TOMM7: variants seen among roughly 807,000 people sequenced by gnomAD.
TOMM7 encodes mitochondrial import receptor subunit TOM7 homolog.
In TOMM7, 8 loss-of-function variants were observed where a neutral mutation model predicts 9.5. The ratio of observed to expected loss-of-function variants is 0.84; its 90% CI spans 0.49 to 1.51. The LOEUF (loss-of-function observed/expected upper bound fraction) is 1.51, where lower values mean the gene tolerates loss of function less well. TOMM7 is among the 40% of genes most tolerant of loss of function. The probability of loss-of-function intolerance (pLI) is 0.00; values close to 1 mark genes in which losing one functional copy is unlikely to be tolerated. For missense variants in TOMM7, 74 were observed against 63.7 expected, an observed-to-expected ratio of 1.16 and a Z score of -0.55; for synonymous variants, 27 against 21.4, an observed-to-expected ratio of 1.26 and a Z score of -0.72.
intron 1 of TOMM7, chr7:22,818,281 CT>C: frequency 2.5e-6 from 1 of 405,492 alleles, no homozygotes; most frequent in Non-Finnish European, 4.6e-6. Flanking sequence ...TTATTCCTTT[CT>C]TTTTGAGACA....
Position 22,813,097 on chromosome 7 carries a change from T to C in TOMM7, c.*73A>G. 1 of 1,530,492 alleles carries C rather than the reference T, an allele frequency of 6.5e-7. No individual in the cohort carries two copies. Among genetic ancestry groups the C allele is most frequent in the Non-Finnish European group, 9.1e-7 (1 of 1,104,424 alleles). 94.8% of individuals were successfully genotyped at this position (1,530,492 alleles called of 1,614,324 possible). A position where few individuals can be genotyped will look rare whatever the true frequency, so the allele number is the denominator to read the frequency against. Reference sequence around the variant, plus strand: ...TAGTGACTGAATGATGTCCCATCTCTTATCCGAGCCAGAGCACACATCTTC... The same window carrying C: ...TAGTGACTGAATGATGTCCCATCTCCTATCCGAGCCAGAGCACACATCTTC... On this transcript the variant is annotated 3_prime_UTR_variant, in exon 3 of 3. Transcript: ENST00000358435.
chr7:22,818,066 G>GA lies in TOMM7; in HGVS notation c.104-19dup, dbSNP rs1562672997. ...CTTAAATCCTGAATCAAGGAAGACA[G>GA]AAGAGAAAAAATATTAATTAAAACC... On this transcript the variant is annotated intron_variant, in intron 1 of 2. Coordinates refer to ENST00000358435, the MANE Select transcript of TOMM7 (RefSeq NM_019059.5). The GA allele has an allele frequency of 6.2e-7, 1 of 1,611,654 alleles. No individual in the cohort carries two copies.
Position 22,822,626 on chromosome 7 carries a change from C to G in TOMM7, c.103+51G>C, listed in dbSNP as rs1013248214. On this transcript the variant is annotated intron_variant, in intron 1 of 2. Coordinates refer to ENST00000358435, the MANE Select transcript of TOMM7 (RefSeq NM_019059.5). ...CGACGGCCAAAAATGGGGCTGCTGT[C>G]TCCGCCACCCTCTTCCCTCCAGTCA... is the stretch of plus-strand genomic sequence containing the variant. 6 of 1,533,414 alleles carry G rather than the reference C, an allele frequency of 3.9e-6. No individual in the cohort carries two copies. The African/African-American group carries it at 8.2e-5, about 21-fold the overall frequency. The allele number at this position is 1,533,414 out of a possible 1,614,324, so 95.0% of individuals were successfully genotyped here. A position where few individuals can be genotyped will look rare whatever the true frequency, so the allele number is the denominator to read the frequency against.
Position 22,822,669 on chromosome 7 carries a change from C to T in TOMM7, c.103+8G>A. 1 of 1,611,212 alleles carries T rather than the reference C, an allele frequency of 6.2e-7. No individual in the cohort carries two copies. Among genetic ancestry groups the T allele is most frequent in the Non-Finnish European group, 8.5e-7 (1 of 1,177,348 alleles). On this transcript the variant is annotated splice_region_variant and intron_variant, in intron 1 of 2. Coordinates refer to ENST00000358435, the MANE Select transcript of TOMM7 (RefSeq NM_019059.5). ...TCCAGTCACTTTCCCGGTTCTTCTC[C>T]CACTGACCCAGGTAAATCACAAGAG...
At position 22,822,835 on chromosome 7, in the gene TOMM7, T is replaced by C. The variant is rs1782415206; in HGVS notation, c.-56A>G. On this transcript the variant is annotated 5_prime_UTR_variant, in exon 1 of 3. Coordinates refer to ENST00000358435, the MANE Select transcript of TOMM7 (RefSeq NM_019059.5). ...CTTACAGCAACCACAGCGTCGGGAA[T>C]CCGAAAGGGAAAGGAGGTGCGCAGG... 1 of 1,465,022 alleles carries C rather than the reference T, an allele frequency of 6.8e-7. No homozygotes were observed. The highest frequency in any genetic ancestry group is 1.4e-5 in the African/African-American group (1 of 71,966). 90.8% of individuals were successfully genotyped at this position (1,465,022 alleles called of 1,614,324 possible). A position where few individuals can be genotyped will look rare whatever the true frequency, so the allele number is the denominator to read the frequency against.
At chr7:22,815,132 G>A (rs767526127) in intron 2 of TOMM7, among the ~76,000 whole-genome samples, 1 of 152,160 alleles carries the variant, frequency 6.6e-6, no homozygotes, top group Non-Finnish European at 1.5e-5. Flanking sequence ...AAAAGATCAA[G>A]AGGGTTAGTA....
At chr7:22,821,778 G>GA (rs1465857597) in intron 1 of TOMM7, among the ~76,000 whole-genome samples, 2 of 151,902 alleles carry the variant, frequency 1.3e-5, no homozygotes, top group Admixed American at 1.3e-4. Context: ...AGACAGAAAA[G>GA]AAAAGAAAAA....
intron 2 of TOMM7, among the ~76,000 whole-genome samples, chr7:22,817,143 G>T (rs762488307): frequency 1.3e-5 from 2 of 152,122 alleles, no homozygotes; most frequent in Non-Finnish European, 2.9e-5. Flanking sequence ...AGTATCAGTC[G>T]TTCCTCCAGA....
At chr7:22,816,999 C>T (rs1251734230) in intron 2 of TOMM7, among the ~76,000 whole-genome samples, 1 of 151,992 alleles carries the variant, frequency 6.6e-6, no homozygotes, top group South Asian at 2.1e-4. Context: ...AGTAAAAGTT[C>T]GAAGAAAATG....
intron 1 of TOMM7, 75 bp downstream of exon 1, chr7:22,822,602 G>T (rs1427899035): frequency 3.7e-6 from 5 of 1,352,760 alleles, no homozygotes; most frequent in East Asian, 4.6e-5. Flanking sequence ...TCCCTCCCCC[G>T]ACGGCCAAAA....
At chr7:22,817,957 G>A in intron 2 of TOMM7, 43 bp downstream of exon 2, 8 of 1,574,856 alleles carry the variant, frequency 5.1e-6, no homozygotes, top group South Asian at 1.1e-5. Context: ...CAGTACTACT[G>A]TATGAACATT....
chr7:22,822,235 T>C (rs763083376), intron 1 of TOMM7: 3 of 1,550,890 alleles, frequency 1.9e-6, no homozygotes, highest in Non-Finnish European at 1.7e-6. Context: ...ACGACTATTA[T>C]TATAATCATG....
At chr7:22,813,910 T>C (rs1782282670) in intron 2 of TOMM7, among the ~76,000 whole-genome samples, 2 of 148,864 alleles carry the variant, frequency 1.3e-5, no homozygotes, top group Admixed American at 1.3e-4. Context: ...CACTGACAGT[T>C]TTGTAAAGTT....
chr7:22,818,009 G>A lies in TOMM7; in HGVS notation c.143C>T (p.Thr48Ile), dbSNP rs142415106. The change falls in exon 2 of 3, where the codon ACT becomes ATT. Residue 48 changes from threonine to isoleucine, a missense_variant. Thr to Ile is a moderately conservative substitution (Grantham distance 89, BLOSUM62 -1). Coordinates refer to ENST00000358435, the MANE Select transcript of TOMM7 (RefSeq NM_019059.5). The stretch of plus-strand genomic sequence containing the variant: ...GTTTTAAGAGCAGTACCTCAAAACA[G>A]TTGGTTCAGGCATTCCGGGATCTGC... ...RGADPGMPEP[T>I]VLSLLWG 5.1e-5 allele frequency: 82 copies of A among 1,613,758 alleles called. No individual in the cohort carries two copies. The highest frequency in any genetic ancestry group is 6.7e-5 in the Non-Finnish European group (79 of 1,179,918).
In TOMM7 at chr7:22,822,811, T is replaced by A; in HGVS notation, c.-32A>T. On this transcript the variant is annotated 5_prime_UTR_variant, in exon 1 of 3. The change creates a new upstream start codon in the 5' untranslated region. Coordinates refer to ENST00000358435, the MANE Select transcript of TOMM7 (RefSeq NM_019059.5). Reference sequence around the variant, plus strand: ...GGCCGTGTGGCGCAGGGAGGACCCCTTACAGCAACCACAGCGTCGGGAATC... The same window carrying A: ...GGCCGTGTGGCGCAGGGAGGACCCCATACAGCAACCACAGCGTCGGGAATC... 1 of 1,564,580 alleles carries A rather than the reference T, an allele frequency of 6.4e-7. No homozygotes were observed. The highest frequency in any genetic ancestry group is 8.8e-7 in the Non-Finnish European group (1 of 1,135,266).
intron 2 of TOMM7, among the ~76,000 whole-genome samples, chr7:22,815,221 G>A (rs2286505): frequency 0.48 from 72,717 of 151,794 alleles, 19,166 homozygotes; most frequent in East Asian, 0.82. Flanking sequence ...TCATCTAGTC[G>A]CTGAAGGTTC....
intron 1 of TOMM7, chr7:22,822,378 T>G: frequency 8.3e-7 from 1 of 1,201,380 alleles, no homozygotes; most frequent in Non-Finnish European, 1.1e-6. Flanking sequence ...TTAGTGACTT[T>G]CACATCCACT....
rs115456717 is a variant in TOMM7, at chr7:22,821,824, A to T, written c.103+853T>A. Among the ~76,000 whole-genome samples the T allele has an allele frequency of 6.6e-3, 1,003 of 152,260 alleles. 9 individuals are homozygous for T. The highest frequency in any genetic ancestry group is 0.023 in the African/African-American group (942 of 41,534). ...AGGTCCCAGTCTGCAACCCTAACTG[A>T]AAAATATTAACAAATCCTTGCAGTA... On this transcript the variant is annotated intron_variant, in intron 1 of 2. Coordinates refer to ENST00000358435, the MANE Select transcript of TOMM7 (RefSeq NM_019059.5).
chr7:22,819,205 T>C (rs1782354571), intron 1 of TOMM7, among the ~76,000 whole-genome samples: 1 of 152,084 alleles, frequency 6.6e-6, no homozygotes, highest in African/African-American at 2.4e-5. Flanking sequence ...TTTCAAGAAC[T>C]ATGAGGGGTC....
Sources: gnomAD v4.1 joint callset for allele counts (sites outside exome capture counted in the v4.1 genomes callset) on GRCh38, gnomAD v4.1.1 for gene constraint, MANE v1.5 for transcripts, NCBI Gene and HGNC (gene_info 2026-07-23, HGNC 2026-07-21) for gene names.